Variants in ARHGEF19 observed in about 807,000 individuals in gnomAD.
ARHGEF19 encodes the protein Rho guanine nucleotide exchange factor 19, also known as Rho guanine nucleotide exchange factor (GEF) 19.
ARHGEF19 carries 92 observed loss-of-function variants against 87.6 expected under a neutral mutation model. The observed-to-expected ratio is 1.05, with a 90% CI of 0.89 to 1.25. The LOEUF is 1.25. Among genes scored for constraint, ARHGEF19 ranks in the 50% most tolerant of loss-of-function variants. The pLI is 0.00. For missense variants in ARHGEF19, 1,054 were observed against 1,051.8 expected, an observed-to-expected ratio of 1.00 and a Z score of -0.03; for synonymous variants, 438 against 446.2, an observed-to-expected ratio of 0.98 and a Z score of 0.23.
At chr1:16,201,186 C>T (rs1344052997) in intron 14 of ARHGEF19, among the ~76,000 whole-genome samples, 1 of 152,136 alleles carries the variant, frequency 6.6e-6, no homozygotes, top group Non-Finnish European at 1.5e-5. Context: ...CATGCCACTG[C>T]ACTCCAGCCT....
rs1267556854 is a variant in ARHGEF19 at position 16,208,868 on chromosome 1, T to G, written c.187A>C (p.Ser63Arg). 6.2e-7 allele frequency: 1 copy of G among 1,603,850 alleles called. No homozygotes were observed. The highest frequency in any genetic ancestry group is 2.2e-5 in the East Asian group (1 of 44,814). The change falls in exon 2 of 16, where the codon AGC (serine) becomes CGC (arginine). Residue 63 changes from serine (S) to arginine (R), a missense_variant. By Grantham distance (110) the Ser-to-Arg change is moderately radical (BLOSUM62 -1). Transcript: ENST00000270747. ...VAPEELRAPGSRWSLGTPAPL... is the reference protein window; with the variant it reads ...VAPEELRAPGRRWSLGTPAPL... ...GCAGGGGTCCCCAGGGACCAGCGGC[T>G]GCCAGGAGCCCGAAGCTCCTCTGGG...
Position 16,208,191 on chromosome 1 carries a change from G to T in ARHGEF19, c.447C>A (p.Val149=). 6.2e-7 allele frequency: 1 copy of T among 1,613,328 alleles called. No homozygotes were observed. Among genetic ancestry groups the T allele is most frequent in the Non-Finnish European group, 8.5e-7 (1 of 1,179,662 alleles). ...CAGCGTGGGCCTCGGGGCAGCCGGGGACCTCTTCACGCTGGTACACCCGCA... is the reference window on the plus strand; with the variant it reads ...CAGCGTGGGCCTCGGGGCAGCCGGGTACCTCTTCACGCTGGTACACCCGCA... ...RKMRVYQREE[V]PGCPEAHAVF... is the part of the protein sequence containing the mutation. The change falls in exon 3 of 16, where the codon GTC becomes GTA. Residue 149 remains valine (V), a synonymous_variant. Transcript: ENST00000270747.
chr1:16,202,459 C>G lies in ARHGEF19; in HGVS notation c.2023G>C (p.Gly675Arg). 6.2e-7 allele frequency: 1 copy of G among 1,614,108 alleles called. No homozygotes were observed. Among genetic ancestry groups the G allele is most frequent in the Non-Finnish European group, 8.5e-7 (1 of 1,180,010 alleles). The change falls in exon 13 of 16, where the codon GGG becomes CGG. Residue 675 changes from glycine to arginine, a missense_variant. Coordinates refer to ENST00000270747, the MANE Select transcript of ARHGEF19 (RefSeq NM_153213.5). ...GHVFLLQLLH[G>R]QHMKHQFLLR... ...AGGAACTGGTGCTTCATGTGCTGCC[C>G]GTGGAGGAGCTGGAGGAGGAACACG...
In ARHGEF19 at chr1:16,208,658, C is replaced by G. The variant is rs770913116; in HGVS notation, c.397G>C (p.Glu133Gln). Residue 133 changes from glutamate (E) to glutamine (Q), a missense_variant, in exon 2 of 16, where the codon GAG (glutamate) becomes CAG (glutamine). By Grantham distance (29) the Glu-to-Gln change is conservative (BLOSUM62 2). Coordinates refer to ENST00000270747, the MANE Select transcript of ARHGEF19 (RefSeq NM_153213.5). ...QPQRRASHGS[E>Q]KKSAWRKMRV... ...GGTGACTCACAGGCAGACTTCTTCTCCGAGCCGTGGCTGGCCCGGCGCTGT... is the reference window on the plus strand; with the variant it reads ...GGTGACTCACAGGCAGACTTCTTCTGCGAGCCGTGGCTGGCCCGGCGCTGT... The G allele has an allele frequency of 6.2e-7, 1 of 1,604,736 alleles. No homozygotes were observed. The highest frequency in any genetic ancestry group is 2.2e-5 in the East Asian group (1 of 44,770).
intron 14 of ARHGEF19, among the ~76,000 whole-genome samples, chr1:16,200,189 G>A (rs2081072204): frequency 6.6e-6 from 1 of 152,226 alleles, no homozygotes; most frequent in African/African-American, 2.4e-5. Flanking sequence ...CAAAGCCACA[G>A]ACTGAGGGGC....
chr1:16,203,668 C>T (rs1248572974), intron 12 of ARHGEF19, among the ~76,000 whole-genome samples: 1 of 152,164 alleles, frequency 6.6e-6, no homozygotes, highest in East Asian at 1.9e-4. Context: ...TTCATGATTC[C>T]CAAACACACA....
chr1:16,208,531 A>T, intron 2 of ARHGEF19, 112 bp downstream of exon 2: 1 of 1,360,538 alleles, frequency 7.4e-7, no homozygotes, highest in Non-Finnish European at 9.7e-7. Context: ...CTAATCTACC[A>T]CTTGTCCTGA....
At chr1:16,201,405 T>C (rs2081082607) in intron 14 of ARHGEF19, among the ~76,000 whole-genome samples, 1 of 152,196 alleles carries the variant, frequency 6.6e-6, no homozygotes, top group Non-Finnish European at 1.5e-5. Context: ...TGGCTCTGGC[T>C]GCTTCTTGTC....
At chr1:16,200,547 A>G (rs558085234) in intron 14 of ARHGEF19, among the ~76,000 whole-genome samples, 1 of 152,240 alleles carries the variant, frequency 6.6e-6, no homozygotes, top group African/African-American at 2.4e-5. Context: ...GTTCGAGACC[A>G]GCCATGGTCA....
At chr1:16,209,562 T>C (rs1438388304) in intron 1 of ARHGEF19, among the ~76,000 whole-genome samples, 1 of 152,232 alleles carries the variant, frequency 6.6e-6, no homozygotes, top group Non-Finnish European at 1.5e-5. Context: ...TAGAATGACA[T>C]GTACACTTTC....
At position 16,201,816 on chromosome 1, in the gene ARHGEF19, G is replaced by A; in HGVS notation, c.2112C>T (p.Pro704=). The A allele has an allele frequency of 6.2e-7, 1 of 1,613,862 alleles. No homozygotes were observed. The highest frequency in any genetic ancestry group is 1.3e-5 in the African/African-American group (1 of 75,026). ...RWISALCPSS[P]QEDKEVISEG... Reference sequence around the variant, plus strand: ...CACTGATGACCTCCTTGTCCTCCTGGGGGCTGGAGGGGCACAAGGCTGAGA... The same window carrying A: ...CACTGATGACCTCCTTGTCCTCCTGAGGGCTGGAGGGGCACAAGGCTGAGA... The change falls in exon 14 of 16, where the codon CCC becomes CCT. Residue 704 remains proline, a synonymous_variant. Coordinates refer to ENST00000270747, the MANE Select transcript of ARHGEF19 (RefSeq NM_153213.5).
Position 16,209,020 on chromosome 1 carries a change from TG to T in ARHGEF19, c.34del (p.His12ThrfsTer2). On this transcript the variant is annotated frameshift_variant, in exon 2 of 16. Coordinates refer to ENST00000270747, the MANE Select transcript of ARHGEF19 (RefSeq NM_153213.5). LOFTEE classifies it high-confidence loss of function. ...DCGPPATLQP[H>X]LTGPPGTAHH... Reference sequence around the variant, plus strand: ...GGCAGTGCCAGGTGGCCCAGTCAGGTGGGGCTGGAGGGTAGCAGGTGGCCCA... The same window carrying T: ...GGCAGTGCCAGGTGGCCCAGTCAGGTGGGCTGGAGGGTAGCAGGTGGCCCA... 6.7e-7 allele frequency: 1 copy of T among 1,503,404 alleles called. No homozygotes were observed. The allele number at this position is 1,503,404 out of a possible 1,614,324, so 93.1% of individuals were successfully genotyped here. A position where few individuals can be genotyped will look rare whatever the true frequency, so the allele number is the denominator to read the frequency against.
chr1:16,210,568 T>A (rs997431582), intron 1 of ARHGEF19, among the ~76,000 whole-genome samples: 11 of 152,110 alleles, frequency 7.2e-5, no homozygotes, highest in African/African-American at 2.7e-4. Context: ...CACTGACAAT[T>A]TCAGGCCAAC....
At chr1:16,210,742 C>T (rs369534007) in intron 1 of ARHGEF19, among the ~76,000 whole-genome samples, 24 of 152,300 alleles carry the variant, frequency 1.6e-4, no homozygotes, top group African/African-American at 3.4e-4. Context: ...GGAGGGTGCT[C>T]GGCTCAACTC....
At position 16,205,080 on chromosome 1, in the gene ARHGEF19, C is replaced by A; in HGVS notation, c.1746+7G>T. The A allele has an allele frequency of 6.3e-7, 1 of 1,598,376 alleles. No individual in the cohort carries two copies. The highest frequency in any genetic ancestry group is 1.1e-5 in the South Asian group (1 of 88,504). ...GGGTCCCCATCCCGCTGGCTGCAGA[C>A]ACACACCTTGCCCTCAAAGTGGATC... On this transcript the variant is annotated splice_region_variant and intron_variant, in intron 11 of 15. Coordinates refer to ENST00000270747, the MANE Select transcript of ARHGEF19 (RefSeq NM_153213.5). This position sits in a 1 kb window ranked among gnomAD's most constrained non-coding sequence, Gnocchi z 5.8.
In ARHGEF19 at chr1:16,207,758, C is replaced by T. The variant is rs746651137; in HGVS notation, c.714G>A (p.Glu238=). ...AAREGKASGM[E]ARSVEMSGDR... The stretch of plus-strand genomic sequence containing the variant: ...CCCCGCTCATCTCTACACTTCGAGC[C>T]TCCATTCCAGATGCTTTCCCTGGAG... The change falls in exon 4 of 16, where the codon GAG becomes GAA. Residue 238 remains glutamate, a synonymous_variant. Transcript: ENST00000270747. The surrounding 1 kb of genome is among the most constrained non-coding windows in gnomAD (Gnocchi z 4.0). The T allele has an allele frequency of 6.2e-7, 1 of 1,613,964 alleles. No homozygotes were observed.
chr1:16,199,094 C>T, intron 15 of ARHGEF19, 56 bp downstream of exon 15: 1 of 1,547,968 alleles, frequency 6.5e-7, no homozygotes, highest in Non-Finnish European at 8.9e-7. Context: ...AGTCATCTAG[C>T]CACCTCCTGC....
Position 16,206,031 on chromosome 1 carries a change from C to G in ARHGEF19, c.1351G>C (p.Val451Leu). ...RLEADVLRFSVCDVVLDHCPA... is the reference protein window; with the variant it reads ...RLEADVLRFSLCDVVLDHCPA... ...CAGTGGTCCAGCACCACGTCGCACA[C>G]GCTGAAGCGCAGCACATCTGCCTCC... The change falls in exon 8 of 16, where the codon GTG becomes CTG. Residue 451 changes from valine to leucine, a missense_variant. Physicochemically the swap from Val to Leu is conservative, Grantham distance 32. Coordinates refer to ENST00000270747, the MANE Select transcript of ARHGEF19 (RefSeq NM_153213.5). This position sits in a 1 kb window ranked among gnomAD's most constrained non-coding sequence, Gnocchi z 4.6. 3.1e-6 allele frequency: 5 copies of G among 1,595,328 alleles called. No individual in the cohort carries two copies. Among genetic ancestry groups the G allele is most frequent in the Non-Finnish European group, 4.3e-6 (5 of 1,170,958 alleles).
intron 1 of ARHGEF19, among the ~76,000 whole-genome samples, chr1:16,211,687 G>A (rs2081198122): frequency 6.6e-6 from 1 of 152,230 alleles, no homozygotes; most frequent in African/African-American, 2.4e-5. Flanking sequence ...TGCCAGCCCT[G>A]TGGCCCTCCA....
Sources: gnomAD v4.1 joint callset for allele counts (sites outside exome capture counted in the v4.1 genomes callset) on GRCh38, gnomAD v4.1.1 for gene constraint, Gnocchi (gnomAD v3.1) non-coding constraint, MANE v1.5 for transcripts, NCBI Gene and HGNC (gene_info 2026-07-23, HGNC 2026-07-21) for gene names.